The following CACNG5 variants were observed in gnomAD, a reference collection of about 807,000 sequenced individuals.
The protein encoded by CACNG5 is calcium voltage-gated channel auxiliary subunit gamma 5, also known as voltage-dependent calcium channel gamma-5 subunit.
Under a neutral mutation model 24.8 loss-of-function variants are expected in CACNG5, and 18 were observed. That is an observed-to-expected ratio of 0.73 (90% CI 0.50 to 1.08). The LOEUF (loss-of-function observed/expected upper bound fraction) is 1.08. CACNG5 is among the 50% of genes least tolerant of loss of function. CACNG5 has a pLI of 0.00. For synonymous variants in CACNG5, 157 were observed against 149.1 expected, an observed-to-expected ratio of 1.05 and a Z score of -0.39; for missense variants, 349 against 367.9, an observed-to-expected ratio of 0.95 and a Z score of 0.42.
chr17:66,888,263 G>A lies in CACNG5; in HGVS notation c.*3023G>A, dbSNP rs1977291241. 1.3e-5 allele frequency among the ~76,000 whole-genome samples: 2 copies of A among 149,250 alleles called. No individual in the cohort carries two copies. On this transcript the variant is annotated 3_prime_UTR_variant, in exon 6 of 6. Coordinates refer to ENST00000533854, the MANE Select transcript of CACNG5 (RefSeq NM_145811.3). ...GCATGTAAGAGTTAAAGAAAGAGGA[G>A]GCCTGGCGCAGTGGCTCATGCCTGT...
Position 66,884,984 on chromosome 17 carries a change from G to T in CACNG5, c.572G>T (p.Ser191Ile). 1 of 1,614,116 alleles carries T rather than the reference G, an allele frequency of 6.2e-7. No individual in the cohort carries two copies. Among genetic ancestry groups the T allele is most frequent in the Non-Finnish European group, 8.5e-7 (1 of 1,179,986 alleles). The change falls in exon 6 of 6, where the codon AGT becomes ATT. Residue 191 changes from serine (S) to isoleucine (I), a missense_variant and splice_region_variant. Transcript: ENST00000533854. The stretch of plus-strand genomic sequence containing the variant: ...TCCTCTGCTGTCTTCTCCCTGTAGA[G>T]TGCCGGGGTGATGTCTGTGTACCTG... ...FAAISFLLTE[S>I]AGVMSVYLFM...
rs1409008301 is a variant in CACNG5, at chr17:66,889,348, C to T, written c.*4108C>T. On this transcript the variant is annotated 3_prime_UTR_variant, in exon 6 of 6. Transcript: ENST00000533854. Reference sequence around the variant, plus strand: ...TCAGAAGAATCCTGTGTTACCAGGGCTGCATGCAGAGCTGGGGTGGGGGCG... The same window carrying T: ...TCAGAAGAATCCTGTGTTACCAGGGTTGCATGCAGAGCTGGGGTGGGGGCG... 6.6e-6 allele frequency among the ~76,000 whole-genome samples: 1 copy of T among 152,152 alleles called. No homozygotes were observed. The highest frequency in any genetic ancestry group is 1.5e-5 in the Non-Finnish European group (1 of 68,024).
chr17:66,844,059 C>T (rs1024180265), intron 1 of CACNG5, among the ~76,000 whole-genome samples: 5 of 152,112 alleles, frequency 3.3e-5, no homozygotes, highest in Admixed American at 3.3e-4. Flanking sequence ...GAGCCAGATG[C>T]TTGCAAGAGC....
chr17:66,878,979 G>A lies in CACNG5; in HGVS notation c.204G>A (p.Glu68=). 1 of 1,613,116 alleles carries A rather than the reference G, an allele frequency of 6.2e-7. No homozygotes were observed. The highest frequency in any genetic ancestry group is 8.5e-7 in the Non-Finnish European group (1 of 1,179,254). The part of the protein sequence containing the change: ...LWRVCFLAGE[E]RGRCFTIEYV... ...TGATTCTTGTCTCCACAGGTGAGGA[G>A]CGGGGGCGTTGCTTCACCATAGAAT... Residue 68 remains glutamate (E), a synonymous_variant, in exon 3 of 6, where the codon GAG becomes GAA. Transcript: ENST00000533854.
intron 1 of CACNG5, among the ~76,000 whole-genome samples, chr17:66,843,477 C>G (rs143813759): frequency 1.1e-4 from 16 of 152,150 alleles, no homozygotes; most frequent in African/African-American, 1.7e-4. Context: ...GACCTATCTC[C>G]GTAATCCCAG....
intron 1 of CACNG5, among the ~76,000 whole-genome samples, chr17:66,874,209 A>C (rs943326530): frequency 1.3e-5 from 2 of 152,186 alleles, no homozygotes; most frequent in African/African-American, 4.8e-5. Context: ...CAGGATTAAA[A>C]TGGGGAGTAA....
chr17:66,847,515 T>C (rs1976652984), intron 1 of CACNG5, among the ~76,000 whole-genome samples: 1 of 151,788 alleles, frequency 6.6e-6, no homozygotes, highest in African/African-American at 2.4e-5. Flanking sequence ...TCGTGAGACT[T>C]ACTATCACGA....
At chr17:66,836,445 T>C (rs879572105) in intron 1 of CACNG5, among the ~76,000 whole-genome samples, 1 of 152,198 alleles carries the variant, frequency 6.6e-6, no homozygotes, top group Non-Finnish European at 1.5e-5. Context: ...GGGACCTTGA[T>C]TGGCTCTGAT....
At position 66,894,651 on chromosome 17, in the gene CACNG5, A is replaced by C. The variant is rs1977388089; in HGVS notation, c.*9411A>C. Among the ~76,000 whole-genome samples the C allele has an allele frequency of 6.6e-6, 1 of 151,948 alleles. No individual in the cohort carries two copies. Among genetic ancestry groups the C allele is most frequent in the Non-Finnish European group, 1.5e-5 (1 of 68,000 alleles). On this transcript the variant is annotated 3_prime_UTR_variant, in exon 6 of 6. Transcript: ENST00000533854. ...CCCTCCACCCCATGAGCAACCATTC[A>C]GATGTGTTTAATATATATATTTTTG... is the stretch of plus-strand genomic sequence containing the variant.
intron 1 of CACNG5, among the ~76,000 whole-genome samples, chr17:66,875,930 A>T (rs1208001182): frequency 6.6e-6 from 1 of 152,106 alleles, no homozygotes; most frequent in Non-Finnish European, 1.5e-5. Flanking sequence ...CCACTGGATG[A>T]CCCCTTCTGG....
Position 66,877,264 on chromosome 17 carries a change from C to T in CACNG5, c.-69C>T. Reference sequence around the variant, plus strand: ...TACTGCCACCTGCTCACCCACTCTCCCTAGCCCCAGAGCGCAGTCCGTGCT... The same window carrying T: ...TACTGCCACCTGCTCACCCACTCTCTCTAGCCCCAGAGCGCAGTCCGTGCT... On this transcript the variant is annotated 5_prime_UTR_variant, in exon 2 of 6. Transcript: ENST00000533854. 7.2e-7 allele frequency: 1 copy of T among 1,395,932 alleles called. No individual in the cohort carries two copies. Among genetic ancestry groups the T allele is most frequent in the Non-Finnish European group, 1.0e-6 (1 of 1,002,908 alleles). The allele number at this position is 1,395,932 out of a possible 1,614,324, so 86.5% of individuals were successfully genotyped here.
At chr17:66,880,076 A>G (rs1977135831) in intron 3 of CACNG5, among the ~76,000 whole-genome samples, 1 of 152,204 alleles carries the variant, frequency 6.6e-6, no homozygotes, top group Non-Finnish European at 1.5e-5. Context: ...GACAAAGACT[A>G]GCCCCAACAG....
At chr17:66,839,212 G>A (rs140693714) in intron 1 of CACNG5, among the ~76,000 whole-genome samples, 87 of 151,814 alleles carry the variant, frequency 5.7e-4, no homozygotes, top group Admixed American at 2.6e-3. Flanking sequence ...CACCCGCCTC[G>A]GCTTCCCAAA....
At chr17:66,879,658 G>A (rs1977130841) in intron 3 of CACNG5, among the ~76,000 whole-genome samples, 1 of 152,152 alleles carries the variant, frequency 6.6e-6, no homozygotes, top group South Asian at 2.1e-4. Context: ...GACACATAGG[G>A]CAAGGTCTGG....
chr17:66,871,721 G>A (rs745957624), intron 1 of CACNG5, among the ~76,000 whole-genome samples: 5 of 152,114 alleles, frequency 3.3e-5, no homozygotes, highest in Admixed American at 6.5e-5. Context: ...TTAGCCGGGC[G>A]TGGTGGCAGG....
intron 4 of CACNG5, among the ~76,000 whole-genome samples, chr17:66,880,986 G>A (rs118110989): frequency 6.6e-6 from 1 of 152,154 alleles, no homozygotes; most frequent in Non-Finnish European, 1.5e-5. Context: ...CAATCCAACT[G>A]CCCTGGCCTC....
intron 1 of CACNG5, among the ~76,000 whole-genome samples, chr17:66,839,072 C>T (rs1213129531): frequency 6.6e-6 from 1 of 151,258 alleles, no homozygotes; most frequent in Non-Finnish European, 1.5e-5. Flanking sequence ...AGCGAACCTC[C>T]TGCCTCAGCC....
chr17:66,877,716 G>A (rs1353291151), intron 2 of CACNG5, among the ~76,000 whole-genome samples, 188 bp downstream of exon 2: 3 of 152,230 alleles, frequency 2.0e-5, no homozygotes, highest in South Asian at 2.1e-4. Context: ...CCTGATTCTC[G>A]ATGTCCATTT....
At chr17:66,873,570 G>C (rs563020834) in intron 1 of CACNG5, among the ~76,000 whole-genome samples, 1 of 152,210 alleles carries the variant, frequency 6.6e-6, no homozygotes, top group African/African-American at 2.4e-5. Flanking sequence ...GGCAACAGCA[G>C]TCGTGCTTCA....
Sources: gnomAD v4.1 joint callset for allele counts (sites outside exome capture counted in the v4.1 genomes callset) on GRCh38, gnomAD v4.1.1 for gene constraint, MANE v1.5 for transcripts, NCBI Gene and HGNC (gene_info 2026-07-23, HGNC 2026-07-21) for gene names.